Variants in SRD5A2 observed in about 807,000 individuals in gnomAD.
SRD5A2 encodes 3-oxo-5-alpha-steroid 4-dehydrogenase 2.
In SRD5A2, 30 loss-of-function variants were observed where a neutral mutation model predicts 27.4. The observed-to-expected ratio is 1.10, with a 90% confidence interval of 0.82 to 1.49. SRD5A2 has a LOEUF of 1.49. Ranked by LOEUF, SRD5A2 falls within the 40% of genes most tolerant of loss-of-function variation. The pLI is 0.00. For synonymous variants in SRD5A2, 141 were observed against 133.6 expected, an observed-to-expected ratio of 1.06 and a Z score of -0.38; for missense variants, 348 against 323.4, an observed-to-expected ratio of 1.08 and a Z score of -0.58.
the SRD5A2 span, among the ~76,000 whole-genome samples, chr2:31,590,856 C>T: frequency 2.0e-5 from 3 of 152,026 alleles, no homozygotes; most frequent in Admixed American, 6.6e-5. Flanking sequence ...ATAAATGGTG[C>T]TGGTGCTGGG....
At chr2:31,597,296 A>G in the SRD5A2 span, among the ~76,000 whole-genome samples, 1 of 152,146 alleles carries the variant, frequency 6.6e-6, no homozygotes, top group Non-Finnish European at 1.5e-5. Flanking sequence ...CTAGATCTGC[A>G]TCTCTCACCT....
chr2:31,645,894 T>TAC, the SRD5A2 span, among the ~76,000 whole-genome samples: 1 of 152,064 alleles, frequency 6.6e-6, no homozygotes, highest in East Asian at 1.9e-4. Context: ...TTCACCTGAC[T>TAC]ACACACACAC....
chr2:31,607,269 A>G, the SRD5A2 span, among the ~76,000 whole-genome samples: 5 of 152,080 alleles, frequency 3.3e-5, no homozygotes, highest in East Asian at 7.7e-4. Context: ...AATTTGATAA[A>G]AGGCAAAAGT....
upstream of SRD5A2, among the ~76,000 whole-genome samples, chr2:31,585,882 C>G (rs561708552): frequency 3.3e-5 from 5 of 152,186 alleles, no homozygotes; most frequent in Admixed American, 2.0e-4. Flanking sequence ...GACTTAATAG[C>G]CTTTCTGCCT....
rs532086983 is a variant in SRD5A2, at chr2:31,523,091, T to C, written c.*3105A>G. The C allele has an allele frequency of 6.9e-5, 15 of 217,786 alleles. No individual in the cohort carries two copies. In the South Asian group the frequency reaches 9.3e-4, roughly 13 times the overall value. The allele number at this position is 217,786 out of a possible 1,614,324, so 13.5% of individuals were successfully genotyped here. The stretch of plus-strand genomic sequence containing the variant: ...TCCTTTTAGAATACAGTGGAGCCAC[T>C]GTTGTTCTTTATGAAAGTAAGCATT... On this transcript the variant is annotated 3_prime_UTR_variant, in exon 5 of 5. Coordinates refer to ENST00000622030, the MANE Select transcript of SRD5A2 (RefSeq NM_000348.4).
the SRD5A2 span, among the ~76,000 whole-genome samples, chr2:31,591,756 CA>C: frequency 3.4e-5 from 2 of 59,700 alleles, no homozygotes; most frequent in Non-Finnish European, 6.6e-5. Flanking sequence ...AACTACGCGC[CA>C]TNAAAAATGA....
chr2:31,639,008 C>T, the SRD5A2 span, among the ~76,000 whole-genome samples: 1 of 151,980 alleles, frequency 6.6e-6, no homozygotes, highest in Non-Finnish European at 1.5e-5. Context: ...TCTTTTCCTA[C>T]TATCTTCCTT....
intron 1 of SRD5A2, among the ~76,000 whole-genome samples, chr2:31,549,045 G>A (rs1170937049): frequency 6.6e-6 from 1 of 150,520 alleles, no homozygotes; most frequent in Non-Finnish European, 1.5e-5. Context: ...GAAACAGAAA[G>A]TAGAATGGTG....
chr2:31,561,009 T>C (rs566615660), intron 1 of SRD5A2, among the ~76,000 whole-genome samples: 1 of 152,334 alleles, frequency 6.6e-6, no homozygotes, highest in African/African-American at 2.4e-5. Context: ...TTATAAATTC[T>C]AGAATCAAAC....
At chr2:31,600,380 T>C in the SRD5A2 span, among the ~76,000 whole-genome samples, 2 of 152,064 alleles carry the variant, frequency 1.3e-5, no homozygotes, top group Non-Finnish European at 1.5e-5. Context: ...CAAATGGTAT[T>C]TTGGTTTCAC....
chr2:31,647,999 G>A, the SRD5A2 span, among the ~76,000 whole-genome samples: 1 of 152,146 alleles, frequency 6.6e-6, no homozygotes, highest in Non-Finnish European at 1.5e-5. Flanking sequence ...GTTCCTAGAA[G>A]GAGAATTGTT....
chr2:31,660,885 G>C, the SRD5A2 span, among the ~76,000 whole-genome samples: 1 of 152,086 alleles, frequency 6.6e-6, no homozygotes, highest in East Asian at 1.9e-4. Context: ...GCATCCATGA[G>C]TAATTCAGAC....
At chr2:31,633,889 A>G in the SRD5A2 span, among the ~76,000 whole-genome samples, 10,958 of 152,258 alleles carry the variant, frequency 0.072, 508 homozygotes, top group Non-Finnish European at 0.1. Context: ...AGCTCACTAA[A>G]ATGTTAATTA....
At chr2:31,613,236 T>C in the SRD5A2 span, among the ~76,000 whole-genome samples, 1 of 151,728 alleles carries the variant, frequency 6.6e-6, no homozygotes, top group Non-Finnish European at 1.5e-5. Context: ...AACCCACAGA[T>C]TGGGAGAAAA....
intron 1 of SRD5A2, among the ~76,000 whole-genome samples, chr2:31,575,876 A>G (rs1008298511): frequency 2.0e-5 from 3 of 152,270 alleles, no homozygotes; most frequent in South Asian, 2.1e-4. Context: ...CACCACATGC[A>G]TAAGTGATGT....
upstream of SRD5A2, among the ~76,000 whole-genome samples, chr2:31,583,655 AAAAAAAG>A: frequency 7.8e-6 from 1 of 128,286 alleles, no homozygotes. Context: ...AAAAAACCAA[AAAAAAAG>A]CAAAAAAAAA....
chr2:31,554,957 GTGT>G (rs1666463444), intron 1 of SRD5A2, among the ~76,000 whole-genome samples: 1 of 148,742 alleles, frequency 6.7e-6, no homozygotes, highest in Non-Finnish European at 1.5e-5. Context: ...GTGTGTGTGT[GTGT>G]GTGTGTGTAT....
intron 1 of SRD5A2, among the ~76,000 whole-genome samples, chr2:31,554,283 A>T (rs72794637): frequency 0.082 from 12,470 of 152,222 alleles, 599 homozygotes; most frequent in Middle Eastern, 0.17. Context: ...CTCCCTGAAA[A>T]AAAAGTTGAG....
intron 1 of SRD5A2, among the ~76,000 whole-genome samples, chr2:31,568,518 G>A (rs915547457): frequency 1.3e-5 from 2 of 152,136 alleles, no homozygotes; most frequent in African/African-American, 4.8e-5. Context: ...AGCCTCAGAA[G>A]GAAGGGCGTG....
Sources: gnomAD v4.1 joint callset for allele counts (sites outside exome capture counted in the v4.1 genomes callset) on GRCh38, gnomAD v4.1.1 for gene constraint, MANE v1.5 for transcripts, NCBI Gene and HGNC (gene_info 2026-07-23, HGNC 2026-07-21) for gene names.